The following TFCP2L1 variants were observed in gnomAD, a reference collection of about 807,000 sequenced individuals.
The protein encoded by TFCP2L1 is transcription factor CP2-like protein 1.
In TFCP2L1, 12 loss-of-function variants were observed where a neutral mutation model predicts 72.2. That is an observed-to-expected ratio of 0.17 (90% CI 0.11 to 0.27). TFCP2L1 has a LOEUF of 0.27. Among genes scored for constraint, TFCP2L1 ranks in the 10% least tolerant of loss-of-function variants. The pLI, the probability that TFCP2L1 is intolerant of heterozygous loss-of-function variation, is 1.00. For synonymous variants in TFCP2L1, 260 were observed against 251.0 expected, an observed-to-expected ratio of 1.04 and a Z score of -0.34; for missense variants, 488 against 624.6, an observed-to-expected ratio of 0.78 and a Z score of 2.33.
intron 7 of TFCP2L1, among the ~76,000 whole-genome samples, chr2:121,241,424 G>A (rs960816621): frequency 2.0e-5 from 3 of 152,166 alleles, no homozygotes; most frequent in African/African-American, 7.2e-5. Flanking sequence ...TTGAACCCAG[G>A]AGATGAAGGT....
rs1685943995 is a variant in TFCP2L1, at chr2:121,222,468, A to G, written c.*1873T>C. The G allele has an allele frequency of 6.6e-6, 1 of 152,254 alleles. No individual in the cohort carries two copies. Among genetic ancestry groups the G allele is most frequent in the Non-Finnish European group, 1.5e-5 (1 of 68,042 alleles). The allele number at this position is 152,254 out of a possible 1,614,324, so 9.4% of individuals were successfully genotyped here. ...CTATACAATGAAGTATTATTCAGCAATACAAAAGAATGAAGTACTGATACA... is the reference window on the plus strand; with the variant it reads ...CTATACAATGAAGTATTATTCAGCAGTACAAAAGAATGAAGTACTGATACA... On this transcript the variant is annotated 3_prime_UTR_variant, in exon 15 of 15. Coordinates refer to ENST00000263707, the MANE Select transcript of TFCP2L1 (RefSeq NM_014553.3).
At chr2:121,269,243 G>T in intron 2 of TFCP2L1, among the ~76,000 whole-genome samples, 1 of 151,818 alleles carries the variant, frequency 6.6e-6, no homozygotes, top group East Asian at 1.9e-4. Flanking sequence ...GAGTCCAAGA[G>T]TTCGAGACCA....
At chr2:121,225,007 G>A (rs1685997922) in intron 14 of TFCP2L1, among the ~76,000 whole-genome samples, 1 of 150,554 alleles carries the variant, frequency 6.6e-6, no homozygotes, top group African/African-American at 2.5e-5. Context: ...AAAGACACTC[G>A]GTGGCTAGAT....
At position 121,248,276 on chromosome 2, in the gene TFCP2L1, TAC is replaced by T. The variant is rs762272815; in HGVS notation, c.398-8_398-7del. The stretch of plus-strand genomic sequence containing the variant: ...ACCAACAGACAGTGGAATATCTGCA[TAC>T]ACACACACACATACAGAAAGTGCAA... On this transcript the variant is annotated splice_polypyrimidine_tract_variant and splice_region_variant and intron_variant, in intron 4 of 14. Transcript: ENST00000263707. 500 of 1,600,058 alleles carry T rather than the reference TAC, an allele frequency of 3.1e-4. No homozygotes were observed. Among genetic ancestry groups the T allele is most frequent in the Middle Eastern group, 5.0e-4 (3 of 6,026 alleles).
chr2:121,244,432 G>A (rs1338783913), intron 6 of TFCP2L1, among the ~76,000 whole-genome samples: 1 of 152,196 alleles, frequency 6.6e-6, no homozygotes, highest in Non-Finnish European at 1.5e-5. Context: ...GGGGCAGGCA[G>A]GTGGAAGGAC....
At chr2:121,241,289 T>A (rs2104688014) in intron 7 of TFCP2L1, among the ~76,000 whole-genome samples, 2 of 150,684 alleles carry the variant, frequency 1.3e-5, no homozygotes, top group East Asian at 3.9e-4. Flanking sequence ...AGGTCAGGAG[T>A]TCAAGACCAG....
At chr2:121,224,413 T>A in intron 14 of TFCP2L1, 26 bp from the exon 15 acceptor site, 1 of 1,612,616 alleles carries the variant, frequency 6.2e-7, no homozygotes, top group Non-Finnish European at 8.5e-7. Flanking sequence ...ACTGGGTGTA[T>A]TTCACAGGAA....
intron 1 of TFCP2L1, 87 bp downstream of exon 1, chr2:121,284,961 G>T: frequency 8.1e-7 from 1 of 1,231,770 alleles, no homozygotes; most frequent in Non-Finnish European, 1.1e-6. Flanking sequence ...GCCCAGCAGG[G>T]GCGCCCCCTC....
intron 7 of TFCP2L1, among the ~76,000 whole-genome samples, chr2:121,241,796 C>G (rs1686373952): frequency 1.3e-5 from 2 of 152,058 alleles, no homozygotes; most frequent in Admixed American, 1.3e-4. Context: ...CACATGATGC[C>G]ATGCAGCTGG....
Position 121,285,190 on chromosome 2 carries a change from G to T in TFCP2L1, c.-81C>A. ...GCGCCGAGGACCCAGCGGCGGCTTC[G>T]CGCTCCGAACCCGCGGTGCCGGCCG... is the stretch of plus-strand genomic sequence containing the variant. On this transcript the variant is annotated 5_prime_UTR_variant, in exon 1 of 15. Transcript: ENST00000263707. The T allele has an allele frequency of 7.9e-7, 1 of 1,259,206 alleles. No homozygotes were observed. The highest frequency in any genetic ancestry group is 1.0e-6 in the Non-Finnish European group (1 of 985,600). 78.0% of individuals were successfully genotyped at this position (1,259,206 alleles called of 1,614,324 possible).
chr2:121,256,431 C>T (rs1030087253), intron 2 of TFCP2L1, among the ~76,000 whole-genome samples: 1 of 152,120 alleles, frequency 6.6e-6, no homozygotes, highest in East Asian at 1.9e-4. Flanking sequence ...TGTGGGATAA[C>T]TGGTTATCCA....
chr2:121,282,746 C>T (rs1488625017), intron 1 of TFCP2L1, among the ~76,000 whole-genome samples: 1 of 152,174 alleles, frequency 6.6e-6, no homozygotes, highest in Non-Finnish European at 1.5e-5. Context: ...ATCCAATTAG[C>T]TGACCCCACT....
chr2:121,252,726 C>T (rs962181876), intron 2 of TFCP2L1, among the ~76,000 whole-genome samples: 4 of 152,122 alleles, frequency 2.6e-5, no homozygotes, highest in African/African-American at 7.2e-5. Flanking sequence ...GCCGAATTTC[C>T]GACTGCTAAT....
At chr2:121,257,060 G>A (rs1686741627) in intron 2 of TFCP2L1, among the ~76,000 whole-genome samples, 2 of 152,264 alleles carry the variant, frequency 1.3e-5, no homozygotes, top group African/African-American at 4.8e-5. Context: ...CAAAGTCCTG[G>A]CCCAACCCTA....
chr2:121,216,726 T>A lies in TFCP2L1; in HGVS notation c.*7615A>T, dbSNP rs1237785313. The A allele has an allele frequency of 6.6e-6, 1 of 152,150 alleles. No individual in the cohort carries two copies. Among genetic ancestry groups the A allele is most frequent in the Non-Finnish European group, 1.5e-5 (1 of 68,040 alleles). 9.4% of individuals were successfully genotyped at this position (152,150 alleles called of 1,614,324 possible). A position where few individuals can be genotyped will look rare whatever the true frequency, so the allele number is the denominator to read the frequency against. Reference sequence around the variant, plus strand: ...ACAAAAACATGGCAGTAGGACAACTTTGAGCTCAACGCCCACCTCCCCAGG... The same window carrying A: ...ACAAAAACATGGCAGTAGGACAACTATGAGCTCAACGCCCACCTCCCCAGG... On this transcript the variant is annotated 3_prime_UTR_variant, in exon 15 of 15. Coordinates refer to ENST00000263707, the MANE Select transcript of TFCP2L1 (RefSeq NM_014553.3).
chr2:121,249,059 C>T lies in TFCP2L1; in HGVS notation c.320G>A (p.Arg107His), dbSNP rs1686548839. The T allele has an allele frequency of 1.3e-6, 2 of 1,597,430 alleles. No homozygotes were observed. Among genetic ancestry groups the T allele is most frequent in the Non-Finnish European group, 1.7e-6 (2 of 1,171,916 alleles). The part of the protein sequence containing the change: ...KSIIRVVFHD[R>H]RLQYTEHQQL... ...CTGGTGCTCCGTATACTGCAGCCGG[C>T]GGTCATGGAAGACCACACGGATGAT... The change falls in exon 4 of 15, where the codon CGC (arginine) becomes CAC (histidine). Residue 107 changes from arginine to histidine, a missense_variant. Physicochemically the swap from Arg to His is conservative, Grantham distance 29. Coordinates refer to ENST00000263707, the MANE Select transcript of TFCP2L1 (RefSeq NM_014553.3).
At chr2:121,243,059 T>C (rs1001831862) in intron 6 of TFCP2L1, among the ~76,000 whole-genome samples, 1 of 152,232 alleles carries the variant, frequency 6.6e-6, no homozygotes, top group Non-Finnish European at 1.5e-5. Context: ...CTCAAGGGGT[T>C]CATCAGGATG....
intron 2 of TFCP2L1, among the ~76,000 whole-genome samples, chr2:121,280,755 C>A (rs1422493323): frequency 2.1e-5 from 3 of 145,832 alleles, no homozygotes; most frequent in East Asian, 2.0e-4. Flanking sequence ...CAGAACAAGA[C>A]CCCCTCAAAA....
In TFCP2L1 at chr2:121,225,571, T is replaced by C. The variant is rs1429412152; in HGVS notation, c.1384A>G (p.Thr462Ala). Residue 462 changes from threonine to alanine, a missense_variant, in exon 14 of 15, where the codon ACA becomes GCA. By Grantham distance (58) the Thr-to-Ala change is moderately conservative. This residue lies in a region of TFCP2L1 where 286 missense variants were observed against 329.0 expected (regional missense o/e 0.87). Transcript: ENST00000263707. ...FQDESCFVLSTIKAESNDGYH... is the reference protein window; with the variant it reads ...FQDESCFVLSAIKAESNDGYH... ...GAGGGGGAGGCTTCACCTTTAATTG[T>C]GCTGAGGACAAAACAGGATTCATCT... The C allele has an allele frequency of 6.2e-7, 1 of 1,614,122 alleles. No homozygotes were observed. Among genetic ancestry groups the C allele is most frequent in the Non-Finnish European group, 8.5e-7 (1 of 1,180,022 alleles).
Sources: gnomAD v4.1 joint callset for allele counts (sites outside exome capture counted in the v4.1 genomes callset) on GRCh38, gnomAD v4.1.1 for gene constraint, gnomAD v4.1.1 regional missense constraint, MANE v1.5 for transcripts, NCBI Gene and HGNC (gene_info 2026-07-23, HGNC 2026-07-21) for gene names.